Variants in PTPRQ observed in about 807,000 individuals in gnomAD.
PTPRQ encodes the protein protein tyrosine phosphatase receptor type Q.
In PTPRQ, 199 loss-of-function variants were observed where a neutral mutation model predicts 246.0. The ratio of observed to expected loss-of-function variants is 0.81; its 90% CI spans 0.72 to 0.91. The LOEUF is 0.91. Ranked by LOEUF, PTPRQ falls within the 40% of genes least tolerant of loss-of-function variation. PTPRQ has a pLI of 0.00. For synonymous variants in PTPRQ, 869 were observed against 853.2 expected (o/e 1.02, Z -0.32); for missense variants, 2,624 against 2,528.4 (o/e 1.04, Z -0.81).
chr12:80,495,382 A>C lies in PTPRQ; in HGVS notation c.1882+11A>C, dbSNP rs367763079. 18 of 1,378,104 alleles carry C rather than the reference A, an allele frequency of 1.3e-5. No homozygotes were observed. The highest frequency in any genetic ancestry group is 1.6e-5 in the Non-Finnish European group (17 of 1,055,760). The allele number at this position is 1,378,104 out of a possible 1,614,324, so 85.4% of individuals were successfully genotyped here. On this transcript the variant is annotated intron_variant, in intron 12 of 44. Transcript: ENST00000644991. ...GCTTTCTCATAACAGGTAGAAAACA[A>C]TGTTTTGTTGTTGTTGTTGTTGTTC...
chr12:80,510,279 T>A, intron 16 of PTPRQ, 44 bp from the exon 17 acceptor site: 1 of 1,389,126 alleles, frequency 7.2e-7, no homozygotes, highest in Non-Finnish European at 9.4e-7. Context: ...CTTTTTCTTA[T>A]ATATGTTTAA....
Position 80,669,104 on chromosome 12 carries a change from C to T in PTPRQ, c.6290C>T (p.Thr2097Ile), listed in dbSNP as rs1045542996. The part of the protein sequence containing the change: ...WRMVWETRAK[T>I]LVMLTQCFEK... The stretch of plus-strand genomic sequence containing the variant: ...ATGGTGTGGGAAACCAGAGCAAAAA[C>T]ATTAGTAATGCTAACACAGTGTTTT... Residue 2097 changes from threonine (T) to isoleucine (I), a missense_variant, in exon 40 of 45, where the codon ACA becomes ATA. Coordinates refer to ENST00000644991, the MANE Select transcript of PTPRQ (RefSeq NM_001145026.2). 5.2e-6 allele frequency: 8 copies of T among 1,550,132 alleles called. No homozygotes were observed. The highest frequency in any genetic ancestry group is 2.0e-5 in the Admixed American group (1 of 50,878).
intron 9 of PTPRQ, among the ~76,000 whole-genome samples, chr12:80,486,210 G>GTCT (rs1894271224): frequency 6.6e-6 from 1 of 152,150 alleles, no homozygotes; most frequent in South Asian, 2.1e-4. Context: ...CTGGCATATA[G>GTCT]TAAGTGCTGT....
chr12:80,571,014 C>G (rs866916170), intron 25 of PTPRQ, among the ~76,000 whole-genome samples: 56 of 152,218 alleles, frequency 3.7e-4, no homozygotes, highest in Middle Eastern at 6.8e-3. Context: ...AAGCCAGGTA[C>G]CATGATGCCT....
intron 9 of PTPRQ, among the ~76,000 whole-genome samples, chr12:80,490,957 A>G (rs1021696607): frequency 6.6e-6 from 1 of 151,962 alleles, no homozygotes; most frequent in Non-Finnish European, 1.5e-5. Flanking sequence ...AATATTTGCA[A>G]CATGACACAC....
At chr12:80,539,697 C>G in intron 19 of PTPRQ, 79 bp from the exon 20 acceptor site, 2 of 1,123,606 alleles carry the variant, frequency 1.8e-6, no homozygotes. Flanking sequence ...TAAAATCGAT[C>G]CATTGATAAC....
At chr12:80,671,189 C>T (rs1213465749) in intron 42 of PTPRQ, among the ~76,000 whole-genome samples, 6 of 151,808 alleles carry the variant, frequency 4.0e-5, no homozygotes, top group South Asian at 2.1e-4. Flanking sequence ...AAGACTAATA[C>T]GTAAATGCTT....
At chr12:80,545,961 A>T (rs953895877) in intron 23 of PTPRQ, among the ~76,000 whole-genome samples, 2 of 151,634 alleles carry the variant, frequency 1.3e-5, no homozygotes, top group African/African-American at 4.8e-5. Context: ...TATGCAAATT[A>T]AAAAAAATGA....
At chr12:80,509,360 G>A (rs1442775859) in intron 16 of PTPRQ, among the ~76,000 whole-genome samples, 1 of 152,010 alleles carries the variant, frequency 6.6e-6, no homozygotes, top group African/African-American at 2.4e-5. Flanking sequence ...GTAGCATTCT[G>A]TCCAAATTAT....
At chr12:80,500,208 T>C (rs1489971491) in intron 14 of PTPRQ, among the ~76,000 whole-genome samples, 2 of 152,054 alleles carry the variant, frequency 1.3e-5, no homozygotes, top group African/African-American at 4.8e-5. Context: ...ATTTTTTCTG[T>C]TTTGGAATTT....
intron 17 of PTPRQ, among the ~76,000 whole-genome samples, chr12:80,525,051 T>G (rs1380805309): frequency 2.0e-5 from 3 of 152,174 alleles, no homozygotes; most frequent in Admixed American, 6.6e-5. Context: ...ATTGGCTTAA[T>G]ATTGGTCTGT....
chr12:80,615,674 T>C (rs137929404), intron 29 of PTPRQ, among the ~76,000 whole-genome samples: 1 of 150,912 alleles, frequency 6.6e-6, no homozygotes, highest in East Asian at 2.0e-4. Flanking sequence ...AATGATTTAA[T>C]ACAGGAAAAC....
intron 25 of PTPRQ, among the ~76,000 whole-genome samples, chr12:80,566,179 T>TA (rs913602362): frequency 6.6e-6 from 1 of 152,116 alleles, no homozygotes; most frequent in African/African-American, 2.4e-5. Context: ...AAAGATACAT[T>TA]AAAAATTAAT....
chr12:80,662,987 C>A (rs7960454), intron 39 of PTPRQ, among the ~76,000 whole-genome samples: 37,456 of 151,696 alleles, frequency 0.25, 5,137 homozygotes, highest in South Asian at 0.39. Flanking sequence ...CTCCAAAACA[C>A]CTTTGGGCAA....
chr12:80,675,308 A>C (rs115434808), intron 43 of PTPRQ, among the ~76,000 whole-genome samples: 1,652 of 152,268 alleles, frequency 0.011, 26 homozygotes, highest in African/African-American at 0.038. Flanking sequence ...TACATTTTGC[A>C]TTCTCTCTAA....
intron 14 of PTPRQ, among the ~76,000 whole-genome samples, chr12:80,502,694 G>A (rs893629503): frequency 3.3e-5 from 5 of 151,848 alleles, no homozygotes; most frequent in Non-Finnish European, 7.4e-5. Context: ...GAGGGTCAGA[G>A]AATTGTTGGA....
At chr12:80,678,006 A>C (rs1313228684) in intron 43 of PTPRQ, among the ~76,000 whole-genome samples, 1 of 152,162 alleles carries the variant, frequency 6.6e-6, no homozygotes, top group Non-Finnish European at 1.5e-5. Flanking sequence ...AATTTAGCCC[A>C]AACATTCAGA....
At chr12:80,445,367 A>G (rs1428112740) in intron 2 of PTPRQ, 124 bp from the exon 3 acceptor site, 2 of 609,354 alleles carry the variant, frequency 3.3e-6, no homozygotes, top group Admixed American at 3.0e-5. Flanking sequence ...AGCTGTAGGG[A>G]GTGTGAACTC....
intron 35 of PTPRQ, among the ~76,000 whole-genome samples, chr12:80,636,105 T>C (rs1473880360): frequency 6.6e-6 from 1 of 152,180 alleles, no homozygotes; most frequent in East Asian, 1.9e-4. Flanking sequence ...AAAATGAAGG[T>C]TATTCAATGT....
Sources: gnomAD v4.1 joint callset for allele counts (sites outside exome capture counted in the v4.1 genomes callset) on GRCh38, gnomAD v4.1.1 for gene constraint, MANE v1.5 for transcripts, NCBI Gene and HGNC (gene_info 2026-07-23, HGNC 2026-07-21) for gene names.